The following YIPF5 variants were observed in gnomAD, a reference collection of about 807,000 sequenced individuals.
The protein encoded by YIPF5 is protein YIPF5.
In YIPF5, 8 loss-of-function variants were observed where a neutral mutation model predicts 30.4. The observed-to-expected ratio is 0.26, with a 90% CI of 0.15 to 0.47. The LOEUF is 0.47. Among genes scored for constraint, YIPF5 ranks in the 20% least tolerant of loss-of-function variants. The pLI is 0.99. For missense variants in YIPF5, 282 were observed against 301.8 expected, an observed-to-expected ratio of 0.93 and a Z score of 0.49; for synonymous variants, 104 against 107.9, an observed-to-expected ratio of 0.96 and a Z score of 0.23.
intron 5 of YIPF5, among the ~76,000 whole-genome samples, 197 bp downstream of exon 5, chr5:144,162,021 T>C (rs377545944): frequency 1.3e-5 from 2 of 152,152 alleles, no homozygotes; most frequent in African/African-American, 2.4e-5. Flanking sequence ...ATGAGTAAAA[T>C]AGAGATGGTA....
In YIPF5 at chr5:144,158,596, A is replaced by G. The variant is rs761962561; in HGVS notation, c.*1801T>C. The G allele has an allele frequency of 9.1e-7, 1 of 1,093,126 alleles. No homozygotes were observed. Among genetic ancestry groups the G allele is most frequent in the Non-Finnish European group, 1.1e-6 (1 of 896,018 alleles). The allele number at this position is 1,093,126 out of a possible 1,614,324, so 67.7% of individuals were successfully genotyped here. ...GAAGACATTTGCCTTAACAAAAACT[A>G]TACTGAAAAAGACAAATGAATTGAA... On this transcript the variant is annotated 3_prime_UTR_variant, in exon 6 of 6. Transcript: ENST00000274496.
chr5:144,170,180 T>G, intron 1 of YIPF5: 1 of 544,216 alleles, frequency 1.8e-6, no homozygotes, highest in Non-Finnish European at 3.3e-6. Context: ...GTAAGACAAC[T>G]CCACCTTAAA....
At position 144,160,422 on chromosome 5, in the gene YIPF5, A is replaced by G; in HGVS notation, c.749T>C (p.Val250Ala). 6.2e-7 allele frequency: 1 copy of G among 1,613,650 alleles called. No homozygotes were observed. The highest frequency in any genetic ancestry group is 8.5e-7 in the Non-Finnish European group (1 of 1,179,780). The change falls in exon 6 of 6, where the codon GTC becomes GCC. Residue 250 changes from valine to alanine, a missense_variant. By Grantham distance (64) the Val-to-Ala change is moderately conservative. Coordinates refer to ENST00000274496, the MANE Select transcript of YIPF5 (RefSeq NM_030799.9). ...VAYPCALLYG[V>A]FALISVF ...TCAAAAGACGGAAATCAGGGCAAAG[A>G]CTCCATATAACAAAGCGCAAGGATA...
At position 144,160,116 on chromosome 5, in the gene YIPF5, A is replaced by G. The variant is rs1751992358; in HGVS notation, c.*281T>C. 3 of 1,106,740 alleles carry G rather than the reference A, an allele frequency of 2.7e-6. No homozygotes were observed. The South Asian group carries it at 1.3e-4, about 47-fold the overall frequency. 68.6% of individuals were successfully genotyped at this position (1,106,740 alleles called of 1,614,324 possible). A position where few individuals can be genotyped will look rare whatever the true frequency, so the allele number is the denominator to read the frequency against. ...TCTATCAAAAACATTATAATTTGCAAGGAAAAAGGTTTTTCAATGGCTGCA... is the reference window on the plus strand; with the variant it reads ...TCTATCAAAAACATTATAATTTGCAGGGAAAAAGGTTTTTCAATGGCTGCA... On this transcript the variant is annotated 3_prime_UTR_variant, in exon 6 of 6. Coordinates refer to ENST00000274496, the MANE Select transcript of YIPF5 (RefSeq NM_030799.9).
chr5:144,170,055 A>T, intron 1 of YIPF5, 90 bp from the exon 2 acceptor site: 1 of 1,026,786 alleles, frequency 9.7e-7, no homozygotes, highest in Non-Finnish European at 1.5e-6. Flanking sequence ...ATAGAAACAC[A>T]ACAAATATTT....
At position 144,158,279 on chromosome 5, in the gene YIPF5, C is replaced by CA; in HGVS notation, c.*2117dup. ...TGCATGTAATCAAACTCTAGAACATCAAATGCAACTCCACTGCATAGCTGT... is the reference window on the plus strand; with the variant it reads ...TGCATGTAATCAAACTCTAGAACATCAAAATGCAACTCCACTGCATAGCTGT... On this transcript the variant is annotated 3_prime_UTR_variant, in exon 6 of 6. Coordinates refer to ENST00000274496, the MANE Select transcript of YIPF5 (RefSeq NM_030799.9). The CA allele has an allele frequency of 2.0e-6, 1 of 499,974 alleles. No homozygotes were observed. The highest frequency in any genetic ancestry group is 8.6e-5 in the East Asian group (1 of 11,632). The allele number at this position is 499,974 out of a possible 1,614,324, so 31.0% of individuals were successfully genotyped here.
Position 144,165,152 on chromosome 5 carries a change from T to G in YIPF5, c.283+280A>C, listed in dbSNP as rs944662353. 3.3e-4 allele frequency among the ~76,000 whole-genome samples: 51 copies of G among 152,300 alleles called. 1 individual carries two copies. The highest frequency in any genetic ancestry group is 1.2e-3 in the African/African-American group (51 of 41,550). ...TGGATAGCACACTTTTTCTTCTCACTTTTCCCACTAGCAGAATTTAGTCAA... is the reference window on the plus strand; with the variant it reads ...TGGATAGCACACTTTTTCTTCTCACGTTTCCCACTAGCAGAATTTAGTCAA... On this transcript the variant is annotated intron_variant, in intron 3 of 5. Coordinates refer to ENST00000274496, the MANE Select transcript of YIPF5 (RefSeq NM_030799.9).
chr5:144,164,188 C>T lies in YIPF5; in HGVS notation c.352G>A (p.Asp118Asn). ...TCAGTTTCATTCATGATGCTGCCAT[C>T]TGCTACTTTTAACGGATGTAATACT... Reference protein sequence around the residue: ...LTVLHPLKVADGSIMNETDLA... With the variant: ...LTVLHPLKVANGSIMNETDLA... The change falls in exon 4 of 6, where the codon GAT (aspartate) becomes AAT (asparagine). Residue 118 changes from aspartate to asparagine, a missense_variant. By Grantham distance (23) the Asp-to-Asn change is conservative. Transcript: ENST00000274496. 6.2e-7 allele frequency: 1 copy of T among 1,613,810 alleles called. No homozygotes were observed. The highest frequency in any genetic ancestry group is 2.2e-5 in the East Asian group (1 of 44,852).
chr5:144,162,377 T>A lies in YIPF5; in HGVS notation c.452A>T (p.Tyr151Phe), dbSNP rs376204420. The change falls in exon 5 of 6, where the codon TAT becomes TTT. Residue 151 changes from tyrosine to phenylalanine, a missense_variant. Transcript: ENST00000274496. ...LLLAGKIQFG[Y>F]VYGISAIGCL... ...TCCAATTGCACTGATCCCGTATACA[T>A]AGCCAAACTGGATTTTGCCAGCCTA... 6.2e-7 allele frequency: 1 copy of A among 1,612,312 alleles called. No individual in the cohort carries two copies. The highest frequency in any genetic ancestry group is 8.5e-7 in the Non-Finnish European group (1 of 1,179,300).
Position 144,158,991 on chromosome 5 carries a change from C to G in YIPF5, c.*1406G>C. On this transcript the variant is annotated 3_prime_UTR_variant, in exon 6 of 6. Coordinates refer to ENST00000274496, the MANE Select transcript of YIPF5 (RefSeq NM_030799.9). ...ACTATAACTGAGCTTTGTCCAGAAT[C>G]AGAGACAGTTTTTCTAGAAAAAGCC... 1 of 983,910 alleles carries G rather than the reference C, an allele frequency of 1.0e-6. No homozygotes were observed. Among genetic ancestry groups the G allele is most frequent in the African/African-American group, 1.8e-5 (1 of 56,924 alleles). The allele number at this position is 983,910 out of a possible 1,614,324, so 60.9% of individuals were successfully genotyped here.
chr5:144,169,617 T>C (rs1365658837), intron 2 of YIPF5, among the ~76,000 whole-genome samples: 1 of 152,206 alleles, frequency 6.6e-6, no homozygotes, highest in Non-Finnish European at 1.5e-5. Flanking sequence ...ACTTTTCCAT[T>C]CATGGTACAC....
At position 144,165,587 on chromosome 5, in the gene YIPF5, T is replaced by A. The variant is rs137875400; in HGVS notation, c.128A>T (p.Asp43Val). The change falls in exon 3 of 6, where the codon GAC becomes GTC. Residue 43 changes from aspartate (D) to valine (V), a missense_variant. Transcript: ENST00000274496. ...GACAAATCTGCCTTGCTGCGAATAG[T>A]CATAGCCAGCATACTGTCTATAAAT... ...GPYSKQYAGY[D>V]YSQQGRFVPP... 1.1e-5 allele frequency: 17 copies of A among 1,614,160 alleles called. No individual in the cohort carries two copies. The African/African-American group carries it at 2.0e-4, about 19-fold the overall frequency.
rs561991050 is a variant in YIPF5 at position 144,158,955 on chromosome 5, T to C, written c.*1442A>G. The C allele has an allele frequency of 1.9e-3, 1,902 of 984,454 alleles. 2 individuals are homozygous for C. The highest frequency in any genetic ancestry group is 2.1e-3 in the Non-Finnish European group (1,750 of 829,838). 61.0% of individuals were successfully genotyped at this position (984,454 alleles called of 1,614,324 possible). A position where few individuals can be genotyped will look rare whatever the true frequency, so the allele number is the denominator to read the frequency against. On this transcript the variant is annotated 3_prime_UTR_variant, in exon 6 of 6. Coordinates refer to ENST00000274496, the MANE Select transcript of YIPF5 (RefSeq NM_030799.9). ...GCAGTATTTTCCTCCCTGTACCATA[T>C]CTTTCTCGTAACTATAACTGAGCTT... is the stretch of plus-strand genomic sequence containing the variant.
chr5:144,167,135 A>C (rs1489484096), intron 2 of YIPF5, among the ~76,000 whole-genome samples: 1 of 152,170 alleles, frequency 6.6e-6, no homozygotes, highest in African/African-American at 2.4e-5. Flanking sequence ...CAGACCAATA[A>C]ATTTCATGTA....
intron 2 of YIPF5, among the ~76,000 whole-genome samples, chr5:144,168,751 T>G (rs1752269377): frequency 6.6e-6 from 1 of 152,226 alleles, no homozygotes; most frequent in Non-Finnish European, 1.5e-5. Context: ...TTAGAAAGGA[T>G]AGCCTAACCA....
chr5:144,166,664 A>C (rs1752210190), intron 2 of YIPF5, among the ~76,000 whole-genome samples: 1 of 152,206 alleles, frequency 6.6e-6, no homozygotes, highest in Non-Finnish European at 1.5e-5. Context: ...TCAAATAAAA[A>C]TGGTCTTCAT....
In YIPF5 at chr5:144,160,139, G is replaced by A. The variant is rs1751993045; in HGVS notation, c.*258C>T. The stretch of plus-strand genomic sequence containing the variant: ...CAAGGAAAAAGGTTTTTCAATGGCT[G>A]CAGGAACCAGAAAGAAATAGCATTT... On this transcript the variant is annotated 3_prime_UTR_variant, in exon 6 of 6. Coordinates refer to ENST00000274496, the MANE Select transcript of YIPF5 (RefSeq NM_030799.9). The A allele has an allele frequency of 8.6e-7, 1 of 1,164,954 alleles. No homozygotes were observed. The highest frequency in any genetic ancestry group is 4.1e-5 in the South Asian group (1 of 24,186). The allele number at this position is 1,164,954 out of a possible 1,614,324, so 72.2% of individuals were successfully genotyped here. A position where few individuals can be genotyped will look rare whatever the true frequency, so the allele number is the denominator to read the frequency against.
chr5:144,160,344 C>CA lies in YIPF5; in HGVS notation c.*52dup. 13 of 1,575,610 alleles carry CA rather than the reference C, an allele frequency of 8.3e-6. No homozygotes were observed. The highest frequency in any genetic ancestry group is 2.7e-5 in the African/African-American group (2 of 73,550). On this transcript the variant is annotated 3_prime_UTR_variant, in exon 6 of 6. Transcript: ENST00000274496. ...AGTTTGCTGGTCCAATTTAAGAGTTCAAGGTCCTTTTTGTACATCTGGCCC... is the reference window on the plus strand; with the variant it reads ...AGTTTGCTGGTCCAATTTAAGAGTTCAAAGGTCCTTTTTGTACATCTGGCCC...
At position 144,160,502 on chromosome 5, in the gene YIPF5, A is replaced by T. The variant is rs929673298; in HGVS notation, c.669T>A (p.Ala223=). 1 of 1,614,180 alleles carries T rather than the reference A, an allele frequency of 6.2e-7. No individual in the cohort carries two copies. Among genetic ancestry groups the T allele is most frequent in the Admixed American group, 1.7e-5 (1 of 60,022 alleles). ...CTAATGCAGAAATAAATATTTTGGA[A>T]GCAGAAAAACTACACCATCCAATAA... ...AGIIGWCSFS[A]SKIFISALAM... Residue 223 remains alanine (A), a synonymous_variant, in exon 6 of 6, where the codon GCT becomes GCA. Coordinates refer to ENST00000274496, the MANE Select transcript of YIPF5 (RefSeq NM_030799.9).
Sources: allele counts gnomAD v4.1 joint callset (sites outside exome capture counted in the v4.1 genomes callset), GRCh38; gene constraint gnomAD v4.1.1; transcripts MANE v1.5; gene names NCBI Gene and HGNC (gene_info 2026-07-23, HGNC 2026-07-21).